DYNC2I2: variants seen among roughly 807,000 people sequenced by gnomAD.
DYNC2I2 encodes the protein cytoplasmic dynein 2 intermediate chain 2.
DYNC2I2 carries 39 observed loss-of-function variants against 52.0 expected under a neutral mutation model. The observed-to-expected ratio is 0.75, with a 90% CI of 0.58 to 0.98. The LOEUF is 0.98. DYNC2I2 is among the 50% of genes least tolerant of loss of function. DYNC2I2 has a pLI of 0.00. For missense variants in DYNC2I2, 743 were observed against 728.4 expected, an observed-to-expected ratio of 1.02 and a Z score of -0.23; for synonymous variants, 359 against 321.1, an observed-to-expected ratio of 1.12 and a Z score of -1.26.
the DYNC2I2 span, among the ~76,000 whole-genome samples, chr9:128,675,504 G>T: frequency 6.6e-6 from 1 of 152,058 alleles, no homozygotes; most frequent in East Asian, 1.9e-4. Flanking sequence ...CATTTGGTTT[G>T]GTTCTCCCAA....
chr9:128,649,150 A>C (rs966906200), intron 1 of DYNC2I2, among the ~76,000 whole-genome samples: 1 of 152,140 alleles, frequency 6.6e-6, no homozygotes, highest in Non-Finnish European at 1.5e-5. Flanking sequence ...ACACTTTTTA[A>C]AATGGTTAAA....
the DYNC2I2 span, among the ~76,000 whole-genome samples, chr9:128,664,732 G>C: frequency 6.6e-6 from 1 of 150,666 alleles, no homozygotes; most frequent in Non-Finnish European, 1.5e-5. Flanking sequence ...TGATCCACCC[G>C]CCTCAGCCTC....
At chr9:128,681,755 T>G in the DYNC2I2 span, among the ~76,000 whole-genome samples, 1 of 152,144 alleles carries the variant, frequency 6.6e-6, no homozygotes, top group Non-Finnish European at 1.5e-5. Flanking sequence ...GTGGCCTTTG[T>G]GACCCCCAGA....
At position 128,634,757 on chromosome 9, in the gene DYNC2I2, G is replaced by A. The variant is rs762641265; in HGVS notation, c.1146C>T (p.Ala382=). 6.2e-6 allele frequency: 10 copies of A among 1,604,470 alleles called. No homozygotes were observed. In the Admixed American group the frequency reaches 1.7e-4, roughly 27 times the overall value. ...TRMPSSVPLR[A]PAQFTFSPHG... ...GGGGGGAGAAGGTAAACTGTGCTGG[G>A]GCCCGCAGGGGCACGGAGCTGGGCA... The change falls in exon 7 of 9, where the codon GCC becomes GCT. Residue 382 remains alanine, a synonymous_variant. Transcript: ENST00000372715.
intron 1 of DYNC2I2, among the ~76,000 whole-genome samples, chr9:128,644,786 T>C (rs1860583218): frequency 6.6e-6 from 1 of 152,242 alleles, no homozygotes. Context: ...CCCTACAGCA[T>C]GCGCTTAGTT....
In DYNC2I2 at chr9:128,635,728, C is replaced by T. The variant is rs777232958; in HGVS notation, c.743G>A (p.Ser248Asn). The change falls in exon 5 of 9, where the codon AGC (serine) becomes AAC (asparagine). Residue 248 changes from serine (S) to asparagine (N), a missense_variant. Transcript: ENST00000372715. ...YSGEVLVWDL[S>N]RLEDPLLWRT... is the part of the protein sequence containing the mutation. ...CCACAGCAGCGGGTCCTCAAGACGG[C>T]TCAGGTCCCACACCAACACCTCACC... is the stretch of plus-strand genomic sequence containing the variant. 3 of 1,613,222 alleles carry T rather than the reference C, an allele frequency of 1.9e-6. No homozygotes were observed. The highest frequency in any genetic ancestry group is 1.7e-5 in the Admixed American group (1 of 59,944).
At chr9:128,675,906 TG>T in the DYNC2I2 span, among the ~76,000 whole-genome samples, 1 of 152,052 alleles carries the variant, frequency 6.6e-6, no homozygotes, top group South Asian at 2.1e-4. Context: ...AAAGGAAAGG[TG>T]GGCCAGGTCC....
chr9:128,666,974 G>T, the DYNC2I2 span, among the ~76,000 whole-genome samples: 195 of 151,968 alleles, frequency 1.3e-3, no homozygotes, highest in African/African-American at 4.4e-3. Flanking sequence ...GCAGAGGGGG[G>T]TGGATCACGA....
intron 8 of DYNC2I2, 87 bp downstream of exon 8, chr9:128,634,139 C>CT (rs1169005770): frequency 6.3e-7 from 1 of 1,586,500 alleles, no homozygotes; most frequent in East Asian, 2.2e-5. Flanking sequence ...CATGTGTGGT[C>CT]TTTTCCCCAA....
At chr9:128,658,347 G>A (rs1367849929), upstream of DYNC2I2, among the ~76,000 whole-genome samples, 1 of 151,636 alleles carries the variant, frequency 6.6e-6, no homozygotes, top group African/African-American at 2.4e-5. Context: ...TGTATTTTTA[G>A]TAGAGAAGGG....
At chr9:128,668,150 G>A in the DYNC2I2 span, among the ~76,000 whole-genome samples, 5 of 151,820 alleles carry the variant, frequency 3.3e-5, no homozygotes, top group Admixed American at 6.6e-5. Flanking sequence ...TAATAGAGAC[G>A]GGGTTTCATC....
intron 1 of DYNC2I2, among the ~76,000 whole-genome samples, chr9:128,648,145 G>C (rs1006343677): frequency 6.6e-6 from 1 of 152,038 alleles, no homozygotes; most frequent in African/African-American, 2.4e-5. Context: ...ACAGTGGCTC[G>C]CACCTGTAAC....
At chr9:128,648,433 C>T (rs1860656653) in intron 1 of DYNC2I2, among the ~76,000 whole-genome samples, 1 of 151,702 alleles carries the variant, frequency 6.6e-6, no homozygotes, top group Non-Finnish European at 1.5e-5. Flanking sequence ...GCAGGGGGTG[C>T]CATATGCTAG....
the DYNC2I2 span, chr9:128,662,993 TG>T: frequency 1.3e-5 from 2 of 149,382 alleles, no homozygotes; most frequent in African/African-American, 2.5e-5. Context: ...TTGGTAGAGA[TG>T]GGGTTTGGCC....
the DYNC2I2 span, among the ~76,000 whole-genome samples, chr9:128,673,506 A>T: frequency 0.83 from 119,111 of 144,210 alleles, 50,836 homozygotes; most frequent in Non-Finnish European, 0.94. Context: ...CTCACTGGCT[A>T]TTTTTTTTTT....
At chr9:128,652,758 A>C (rs1860742005) in intron 1 of DYNC2I2, among the ~76,000 whole-genome samples, 1 of 150,626 alleles carries the variant, frequency 6.6e-6, no homozygotes, top group African/African-American at 2.5e-5. Context: ...CCTCACTACT[A>C]AAAATACTAA....
rs746376242 is a variant in DYNC2I2 at position 128,633,757 on chromosome 9, TCTG to T, written c.1595_1597del (p.Ala532del). 6.2e-7 allele frequency: 1 copy of T among 1,612,940 alleles called. No individual in the cohort carries two copies. The highest frequency in any genetic ancestry group is 8.5e-7 in the Non-Finnish European group (1 of 1,180,012). Reference sequence around the variant, plus strand: ...TCCCGGGACCCCTCAGGCCGCCACCTCTGCTGCCAGGCAGTCCAGGTCCTCAGC... The same window carrying T: ...TCCCGGGACCCCTCAGGCCGCCACCTCTGCCAGGCAGTCCAGGTCCTCAGC... On this transcript the variant is annotated inframe_deletion, in exon 9 of 9. Transcript: ENST00000372715.
rs192778138 is a variant in DYNC2I2, at chr9:128,656,510, G to A, written c.186+31C>T. The stretch of plus-strand genomic sequence containing the variant: ...GCGCTGCGACCCCGCCTTCCCGCCC[G>A]CGTCGCTCCGCGCGGGGCCCGCGCC... On this transcript the variant is annotated intron_variant, in intron 1 of 8. Coordinates refer to ENST00000372715, the MANE Select transcript of DYNC2I2 (RefSeq NM_052844.4). The A allele has an allele frequency of 0.019, 23,440 of 1,250,918 alleles. 401 individuals carry two copies. Among genetic ancestry groups the A allele is most frequent in the Non-Finnish European group, 0.021 (20,671 of 997,516 alleles). The allele number at this position is 1,250,918 out of a possible 1,614,324, so 77.5% of individuals were successfully genotyped here.
intron 1 of DYNC2I2, among the ~76,000 whole-genome samples, chr9:128,649,703 A>AAAAAAG (rs1554772663): frequency 7.0e-6 from 1 of 143,488 alleles, no homozygotes; most frequent in East Asian, 2.0e-4. Context: ...AAAAAAAAAA[A>AAAAAAG]AAAAAACTGG....
Sources: allele counts gnomAD v4.1 joint callset (sites outside exome capture counted in the v4.1 genomes callset), GRCh38; gene constraint gnomAD v4.1.1; transcripts MANE v1.5; gene names NCBI Gene and HGNC (gene_info 2026-07-23, HGNC 2026-07-21).